VPS13A: variants seen among roughly 807,000 people sequenced by gnomAD.
VPS13A encodes the protein vacuolar protein sorting 13 homolog A.
In VPS13A, 264 loss-of-function variants were observed where a neutral mutation model predicts 390.9. The ratio of observed to expected loss-of-function variants is 0.68; its 90% confidence interval spans 0.61 to 0.75. The LOEUF (loss-of-function observed/expected upper bound fraction) is 0.75, where lower values mean the gene tolerates loss of function less well. Among genes scored for constraint, VPS13A ranks in the 30% least tolerant of loss-of-function variants. VPS13A has a pLI of 0.00. For missense variants in VPS13A, 3,409 were observed against 3,733.9 expected (o/e 0.91, Z 2.27); for synonymous variants, 1,231 against 1,227.1 (o/e 1.00, Z -0.07).
intron 67 of VPS13A, among the ~76,000 whole-genome samples, chr9:77,377,652 TAA>T (rs1349168273): frequency 1.2e-4 from 18 of 152,212 alleles, no homozygotes; most frequent in Non-Finnish European, 2.9e-5. Context: ...TTTCTATATG[TAA>T]GAGTATATCA....
chr9:77,226,616 T>A lies in VPS13A; in HGVS notation c.1357+18T>A. Reference sequence around the variant, plus strand: ...ACCTGAAAGTATGTCCATTTCATTTTACAGCATAGTTAATCACTGGGTGTC... The same window carrying A: ...ACCTGAAAGTATGTCCATTTCATTTAACAGCATAGTTAATCACTGGGTGTC... On this transcript the variant is annotated intron_variant, in intron 15 of 71. Transcript: ENST00000360280. 1 of 1,609,428 alleles carries A rather than the reference T, an allele frequency of 6.2e-7. No homozygotes were observed.
Position 77,336,461 on chromosome 9 carries a change from T to C in VPS13A, c.6096-794T>C, listed in dbSNP as rs74782131. ...ATCTATTGACTACGTTTTAATAACA[T>C]TAAATATTGATTGAAAACTTTCATT... On this transcript the variant is annotated intron_variant, in intron 46 of 71. Coordinates refer to ENST00000360280, the MANE Select transcript of VPS13A (RefSeq NM_033305.3). Among the ~76,000 whole-genome samples, 1,287 of 152,324 alleles carry C rather than the reference T, an allele frequency of 8.4e-3. 10 individuals are homozygous for C. Among genetic ancestry groups the C allele is most frequent in the South Asian group, 0.014 (67 of 4,830 alleles).
intron 71 of VPS13A, among the ~76,000 whole-genome samples, chr9:77,412,464 C>G (rs959397993): frequency 5.9e-5 from 9 of 152,194 alleles, no homozygotes; most frequent in Non-Finnish European, 1.3e-4. Flanking sequence ...AAACATAATC[C>G]AGCATATAAA....
intron 1 of VPS13A, among the ~76,000 whole-genome samples, chr9:77,190,394 T>C (rs187381386): frequency 3.3e-5 from 5 of 152,356 alleles, no homozygotes; most frequent in South Asian, 2.1e-4. Context: ...ATCACACTTA[T>C]TGATTTGTGT....
chr9:77,290,711 G>A (rs12002254), intron 31 of VPS13A, among the ~76,000 whole-genome samples: 2,721 of 152,168 alleles, frequency 0.018, 61 homozygotes, highest in African/African-American at 0.049. Flanking sequence ...TGGCTCTGAT[G>A]AGTGTACTGA....
At position 77,210,820 on chromosome 9, in the gene VPS13A, GTATGTAGA is replaced by G. The variant is rs892204925; in HGVS notation, c.555+147_555+154del. On this transcript the variant is annotated intron_variant, in intron 7 of 71. Coordinates refer to ENST00000360280, the MANE Select transcript of VPS13A (RefSeq NM_033305.3). ...GGTCTTCATTGGATTGGAATCGAGG[GTATGTAGA>G]TTCACATTTCAAAAAATGGTTGAAA... 3 of 777,790 alleles carry G rather than the reference GTATGTAGA, an allele frequency of 3.9e-6. No homozygotes were observed. In the African/African-American group the frequency reaches 5.2e-5, roughly 14 times the overall value. The allele number at this position is 777,790 out of a possible 1,614,324, so 48.2% of individuals were successfully genotyped here.
rs1287842587 is a variant in VPS13A, at chr9:77,344,294, T to G, written c.7155+13T>G. 2 of 1,612,832 alleles carry G rather than the reference T, an allele frequency of 1.2e-6. No individual in the cohort carries two copies. The highest frequency in any genetic ancestry group is 3.3e-5 in the Admixed American group (2 of 59,964). On this transcript the variant is annotated intron_variant, in intron 51 of 71. Coordinates refer to ENST00000360280, the MANE Select transcript of VPS13A (RefSeq NM_033305.3). ...TCTAGATAACGAGGTAAGTTTTTTT[T>G]TCTTTTTTGCATGTGTCATTAGGAA...
intron 60 of VPS13A, among the ~76,000 whole-genome samples, chr9:77,365,842 T>G (rs530566039): frequency 6.9e-4 from 105 of 152,214 alleles, no homozygotes; most frequent in African/African-American, 2.4e-3. Flanking sequence ...ATTTTCAAAA[T>G]TTTGCATATG....
At chr9:77,229,218 A>G (rs1264728839) in intron 17 of VPS13A, among the ~76,000 whole-genome samples, 1 of 151,908 alleles carries the variant, frequency 6.6e-6, no homozygotes, top group Non-Finnish European at 1.5e-5. Context: ...AGCCGTGACT[A>G]CAGGCGCGAG....
intron 12 of VPS13A, 97 bp from the exon 13 acceptor site, chr9:77,221,088 G>A (rs749212706): frequency 4.4e-4 from 516 of 1,172,272 alleles, no homozygotes; most frequent in Admixed American, 5.6e-4. Flanking sequence ...CCTAATCTTT[G>A]TATTATAGTT....
intron 23 of VPS13A, among the ~76,000 whole-genome samples, chr9:77,265,220 A>G (rs1359026031): frequency 6.6e-6 from 1 of 152,102 alleles, no homozygotes; most frequent in Admixed American, 6.6e-5. Context: ...GAGGATTTTC[A>G]CATTGACGTT....
intron 17 of VPS13A, among the ~76,000 whole-genome samples, chr9:77,229,646 A>G (rs1460917789): frequency 6.6e-6 from 1 of 152,180 alleles, no homozygotes; most frequent in African/African-American, 2.4e-5. Context: ...TTATGGACGC[A>G]TCACGTTTTG....
At chr9:77,401,449 T>C (rs1299469430) in intron 68 of VPS13A, among the ~76,000 whole-genome samples, 1 of 152,056 alleles carries the variant, frequency 6.6e-6, no homozygotes, top group Non-Finnish European at 1.5e-5. Context: ...TGGATTTCCA[T>C]TTCCAAAATT....
At position 77,413,436 on chromosome 9, in the gene VPS13A, G is replaced by A. The variant is rs548464293; in HGVS notation, c.9475-2520G>A. Among the ~76,000 whole-genome samples, 13 of 152,116 alleles carry A rather than the reference G, an allele frequency of 8.5e-5. No homozygotes were observed. The East Asian group carries it at 1.5e-3, about 18-fold the overall frequency. ...GAACAGAGCCCTCAGAAATAACGCC[G>A]CATATCTACGACCATCTGATCTTTG... is the stretch of plus-strand genomic sequence containing the variant. On this transcript the variant is annotated intron_variant, in intron 71 of 71. Transcript: ENST00000360280.
chr9:77,261,897 C>T (rs1825783752), intron 23 of VPS13A, among the ~76,000 whole-genome samples: 1 of 152,196 alleles, frequency 6.6e-6, no homozygotes, highest in South Asian at 2.1e-4. Context: ...ATTTGCTTAA[C>T]TTATAGTTTG....
Position 77,211,314 on chromosome 9 carries a change from T to C in VPS13A, c.555+639T>C, listed in dbSNP as rs542314634. 1.8e-3 allele frequency: 278 copies of C among 152,282 alleles called. 1 individual carries two copies. Among genetic ancestry groups the C allele is most frequent in the African/African-American group, 6.2e-3 (256 of 41,574 alleles). 9.4% of individuals were successfully genotyped at this position (152,282 alleles called of 1,614,324 possible). ...TATCCTAAATTTTAAAACTTTTATA[T>C]AATATATCTATTAAAAATGTAGGAT... is the stretch of plus-strand genomic sequence containing the variant. On this transcript the variant is annotated intron_variant, in intron 7 of 71. Coordinates refer to ENST00000360280, the MANE Select transcript of VPS13A (RefSeq NM_033305.3).
intron 22 of VPS13A, 104 bp downstream of exon 22, chr9:77,252,456 A>G (rs1180760772): frequency 4.3e-6 from 4 of 938,400 alleles, no homozygotes; most frequent in Non-Finnish European, 7.0e-6. Context: ...GGTGAAATGT[A>G]TATAACTGAC....
At chr9:77,194,580 T>C (rs186773458) in intron 1 of VPS13A, among the ~76,000 whole-genome samples, 8 of 152,264 alleles carry the variant, frequency 5.3e-5, no homozygotes, top group Admixed American at 2.6e-4. Context: ...CCCAAGCAGC[T>C]GTCTTTGCAA....
At chr9:77,178,123 C>T (rs917459858) in intron 1 of VPS13A, 8 of 339,616 alleles carry the variant, frequency 2.4e-5, no homozygotes, top group African/African-American at 1.5e-4. Flanking sequence ...GTTCTCTACC[C>T]CTGGCCCCGC....
Sources: gnomAD v4.1 joint callset for allele counts (sites outside exome capture counted in the v4.1 genomes callset) on GRCh38, gnomAD v4.1.1 for gene constraint, MANE v1.5 for transcripts, NCBI Gene and HGNC (gene_info 2026-07-23, HGNC 2026-07-21) for gene names.